AFF3: variants seen among roughly 807,000 people sequenced by gnomAD.
The protein encoded by AFF3 is AF4/FMR2 family member 3.
In AFF3, 32 loss-of-function variants were observed where a neutral mutation model predicts 129.7. That is an observed-to-expected ratio of 0.25 (90% CI 0.19 to 0.33). The LOEUF (loss-of-function observed/expected upper bound fraction) is 0.33. Ranked by LOEUF, AFF3 falls within the 10% of genes least tolerant of loss-of-function variation. The pLI, the probability that AFF3 is intolerant of heterozygous loss-of-function variation, is 1.00. For synonymous variants in AFF3, 644 were observed against 635.4 expected (o/e 1.01, Z -0.20); for missense variants, 1,373 against 1,592.0 (o/e 0.86, Z 2.34).
At chr2:99,872,241 G>A (rs930207226) in intron 7 of AFF3, among the ~76,000 whole-genome samples, 21 of 148,884 alleles carry the variant, frequency 1.4e-4, no homozygotes, top group African/African-American at 3.7e-4. Context: ...AAGGGAAAAC[G>A]GCACATGGCA....
chr2:99,585,920 G>A (rs916707587), intron 16 of AFF3, among the ~76,000 whole-genome samples: 21 of 151,936 alleles, frequency 1.4e-4, no homozygotes, highest in Non-Finnish European at 2.5e-4. Flanking sequence ...TAGTAGATAC[G>A]GGGTTTCACC....
rs756251519 is a variant in AFF3 at position 99,601,548 on chromosome 2, CGCTGCTGCTGCT to C, written c.1246_1257del (p.Ser416_Ser419del). 3 of 1,598,836 alleles carry C rather than the reference CGCTGCTGCTGCT, an allele frequency of 1.9e-6. No homozygotes were observed. The highest frequency in any genetic ancestry group is 1.7e-6 in the Non-Finnish European group (2 of 1,174,136). ...GAGTCGCTGGAGGAGCTGCTGCTGC[CGCTGCTGCTGCT>C]GCTGCTGCTGCCCTTGCTGGAAGGC... On this transcript the variant is annotated inframe_deletion, in exon 14 of 25. Transcript: ENST00000672756.
intron 10 of AFF3, among the ~76,000 whole-genome samples, chr2:99,730,063 A>G (rs989267676): frequency 1.3e-5 from 2 of 152,174 alleles, no homozygotes; most frequent in African/African-American, 2.4e-5. Flanking sequence ...TACACTTTCA[A>G]TTTGACAGTC....
intron 8 of AFF3, among the ~76,000 whole-genome samples, chr2:99,798,045 G>A (rs1685676076): frequency 6.6e-6 from 1 of 151,992 alleles, no homozygotes; most frequent in African/African-American, 2.4e-5. Flanking sequence ...TAATTGATTA[G>A]TTAAGAAAAA....
intron 7 of AFF3, among the ~76,000 whole-genome samples, chr2:99,865,972 C>T (rs1332268745): frequency 6.6e-6 from 1 of 152,242 alleles, no homozygotes; most frequent in Non-Finnish European, 1.5e-5. Context: ...GATGTGTCAG[C>T]CATTGTGCTA....
At chr2:100,133,540 A>C (rs1692515228) in intron 1 of AFF3, among the ~76,000 whole-genome samples, 1 of 152,052 alleles carries the variant, frequency 6.6e-6, no homozygotes, top group Non-Finnish European at 1.5e-5. Flanking sequence ...GAACTCCTGG[A>C]CTCAAGCAAT....
intron 9 of AFF3, among the ~76,000 whole-genome samples, chr2:99,748,855 C>T (rs2105178709): frequency 6.6e-6 from 1 of 152,326 alleles, no homozygotes. Context: ...GGCTCTGTAA[C>T]ACCTATTCAT....
chr2:99,801,871 TG>T (rs1469808327), intron 8 of AFF3, among the ~76,000 whole-genome samples: 1 of 152,228 alleles, frequency 6.6e-6, no homozygotes, highest in Non-Finnish European at 1.5e-5. Context: ...CATTATTTTC[TG>T]TAAGTCAATC....
intron 12 of AFF3, among the ~76,000 whole-genome samples, chr2:99,665,997 T>C (rs2104383075): frequency 6.6e-6 from 1 of 152,274 alleles, no homozygotes; most frequent in African/African-American, 2.4e-5. Flanking sequence ...GATGGGGTCA[T>C]AATGAGATCA....
At chr2:99,945,097 A>G (rs1406471644) in intron 7 of AFF3, among the ~76,000 whole-genome samples, 1 of 152,166 alleles carries the variant, frequency 6.6e-6, no homozygotes, top group African/African-American at 2.4e-5. Context: ...ACATGAGCAC[A>G]TGTATAGAGG....
chr2:100,119,471 G>T (rs918628541), intron 2 of AFF3, among the ~76,000 whole-genome samples: 3 of 152,188 alleles, frequency 2.0e-5, no homozygotes, highest in South Asian at 4.1e-4. Flanking sequence ...ACCTGGTCTT[G>T]ACCCCAGAGT....
At chr2:99,717,835 C>T (rs922279412) in intron 11 of AFF3, among the ~76,000 whole-genome samples, 7 of 152,096 alleles carry the variant, frequency 4.6e-5, no homozygotes, top group Admixed American at 3.9e-4. Flanking sequence ...GTTGTTTTAG[C>T]GTTTATATTG....
intron 4 of AFF3, among the ~76,000 whole-genome samples, chr2:100,016,082 T>C (rs1182658451): frequency 1.3e-5 from 2 of 151,148 alleles, no homozygotes; most frequent in African/African-American, 4.9e-5. Context: ...GTGATGGTGA[T>C]GGTGGTGGTA....
chr2:99,822,152 T>C (rs772212258), intron 8 of AFF3, among the ~76,000 whole-genome samples: 15 of 152,320 alleles, frequency 9.8e-5, no homozygotes, highest in Non-Finnish European at 1.9e-4. Context: ...TCCTTCTCTG[T>C]AAGACAAGAT....
chr2:99,613,808 G>C lies in AFF3; in HGVS notation c.1185-12187C>G, dbSNP rs748278329. 5.2e-4 allele frequency among the ~76,000 whole-genome samples: 79 copies of C among 152,324 alleles called. No homozygotes were observed. The Middle Eastern group carries it at 0.01, about 20-fold the overall frequency. Reference sequence around the variant, plus strand: ...GCCTCTGAGTATACCCGTGGTTGCAGGCGATCATCCTTGTTATGTTCTGTT... The same window carrying C: ...GCCTCTGAGTATACCCGTGGTTGCACGCGATCATCCTTGTTATGTTCTGTT... On this transcript the variant is annotated intron_variant, in intron 13 of 24. Transcript: ENST00000672756.
rs186947009 is a variant in AFF3 at position 100,006,979 on chromosome 2, C to T, written c.526G>A (p.Val176Ile). ...TTGGCCCGAGGCTGCTGTCTGCCAACACCATCTCCAAGCAAGGTCCTGAGA... is the reference window on the plus strand; with the variant it reads ...TTGGCCCGAGGCTGCTGTCTGCCAATACCATCTCCAAGCAAGGTCCTGAGA... ...GSLRTLLGDG[V>I]GRQQPRAKQV... The change falls in exon 7 of 25, where the codon GTT becomes ATT. Residue 176 changes from valine to isoleucine, a missense_variant. Val to Ile is a conservative substitution (Grantham distance 29, BLOSUM62 3). Around this residue, in one of 9 missense-constraint regions of AFF3, gnomAD observed 255 missense variants for 256.0 expected, o/e 1.00. Transcript: ENST00000672756. 3.1e-6 allele frequency: 5 copies of T among 1,612,876 alleles called. 1 individual carries two copies. The African/African-American group carries it at 6.7e-5, about 21-fold the overall frequency.
intron 7 of AFF3, among the ~76,000 whole-genome samples, chr2:99,892,277 T>C (rs1693627763): frequency 6.6e-6 from 1 of 152,238 alleles, no homozygotes; most frequent in East Asian, 1.9e-4. Flanking sequence ...TATTCATTGT[T>C]ACATTTAGTT....
chr2:99,649,048 G>A (rs144920452), intron 13 of AFF3, among the ~76,000 whole-genome samples: 2 of 152,124 alleles, frequency 1.3e-5, no homozygotes, highest in African/African-American at 4.8e-5. Flanking sequence ...TCTGTCTACA[G>A]CCTTTCAGAC....
chr2:99,596,492 C>A (rs1027573781), intron 14 of AFF3, among the ~76,000 whole-genome samples: 7 of 151,854 alleles, frequency 4.6e-5, no homozygotes, highest in Admixed American at 3.9e-4. Context: ...CTCAGCTTCC[C>A]TAGACAAATG....
Sources: gnomAD v4.1 joint callset for allele counts (sites outside exome capture counted in the v4.1 genomes callset) on GRCh38, gnomAD v4.1.1 for gene constraint, gnomAD v4.1.1 regional missense constraint, MANE v1.5 for transcripts, NCBI Gene and HGNC (gene_info 2026-07-23, HGNC 2026-07-21) for gene names.